The following ASB3 variants were observed in gnomAD, a reference collection of about 807,000 sequenced individuals.
ASB3 encodes ankyrin repeat and SOCS box containing 3, also known as ankyrin repeat and SOCS box protein 3.
A neutral mutation model predicts 54.5 loss-of-function variants in ASB3; 41 were observed. The observed-to-expected ratio is 0.75, with a 90% CI of 0.59 to 0.98. The LOEUF (loss-of-function observed/expected upper bound fraction) is 0.98, where lower values mean the gene tolerates loss of function less well. Ranked by LOEUF, ASB3 falls within the 50% of genes least tolerant of loss-of-function variation. ASB3 has a pLI of 0.00. For synonymous variants in ASB3, 266 were observed against 221.2 expected, an observed-to-expected ratio of 1.20 and a Z score of -1.80; for missense variants, 733 against 620.0, an observed-to-expected ratio of 1.18 and a Z score of -1.94.
chr2:53,698,944 A>G (rs1436949742), intron 8 of ASB3, among the ~76,000 whole-genome samples: 1 of 152,220 alleles, frequency 6.6e-6, no homozygotes, highest in Non-Finnish European at 1.5e-5. Context: ...GGTAATCGTT[A>G]TGAGCAACAG....
chr2:53,678,423 T>C (rs560449787), intron 9 of ASB3, among the ~76,000 whole-genome samples: 1 of 152,358 alleles, frequency 6.6e-6, no homozygotes, highest in African/African-American at 2.4e-5. Flanking sequence ...CACTTGTGCT[T>C]GCACTTTTAA....
chr2:53,774,491 G>A lies in ASB3; in HGVS notation c.-13-8906C>T, dbSNP rs377443630. 53 of 1,569,010 alleles carry A rather than the reference G, an allele frequency of 3.4e-5. No homozygotes were observed. The highest frequency in any genetic ancestry group is 2.0e-4 in the Admixed American group (10 of 50,494). Reference sequence around the variant, plus strand: ...GCTTTGGAAAAATTAGTAAAGGAACGTTTAGAAGGGAAACAGAACCTCAAT... The same window carrying A: ...GCTTTGGAAAAATTAGTAAAGGAACATTTAGAAGGGAAACAGAACCTCAAT... On this transcript the variant is annotated intron_variant, in intron 1 of 9. Coordinates refer to ENST00000263634, the MANE Select transcript of ASB3 (RefSeq NM_016115.5).
rs754038869 is a variant in ASB3 at position 53,750,839 on chromosome 2, T to A, written c.299A>T (p.Glu100Val). ...GHWKIVQILL[E>V]AGADPNATTL... ...AGTTGCATTAGGATCTGCCCCAGCT[T>A]CTAAAAGAATCTGTACGATTTTCCA... The change falls in exon 3 of 10, where the codon GAA (glutamate) becomes GTA (valine). Residue 100 changes from glutamate (E) to valine (V), a missense_variant. By Grantham distance (121) the Glu-to-Val change is moderately radical. Coordinates refer to ENST00000263634, the MANE Select transcript of ASB3 (RefSeq NM_016115.5). 2.5e-6 allele frequency: 4 copies of A among 1,603,110 alleles called. No homozygotes were observed. Among genetic ancestry groups the A allele is most frequent in the Non-Finnish European group, 3.4e-6 (4 of 1,174,660 alleles).
chr2:53,676,132 C>CAATG (rs1482740561), intron 9 of ASB3, among the ~76,000 whole-genome samples: 1 of 152,172 alleles, frequency 6.6e-6, no homozygotes, highest in Non-Finnish European at 1.5e-5. Context: ...GTATCACAGA[C>CAATG]AATGAGCAAA....
chr2:53,697,427 T>C (rs1027254636), intron 8 of ASB3, among the ~76,000 whole-genome samples: 1 of 151,976 alleles, frequency 6.6e-6, no homozygotes, highest in African/African-American at 2.4e-5. Flanking sequence ...ACTTTGTTAA[T>C]AAACATGATT....
rs557230195 is a variant in ASB3 at position 53,729,699 on chromosome 2, T to C, written c.356-129A>G. On this transcript the variant is annotated intron_variant, in intron 3 of 9. Coordinates refer to ENST00000263634, the MANE Select transcript of ASB3 (RefSeq NM_016115.5). Reference sequence around the variant, plus strand: ...TGCTCTGATTATTCCTAAACAGTTATCACAATTGTCTTAGCCCAAATCCAT... The same window carrying C: ...TGCTCTGATTATTCCTAAACAGTTACCACAATTGTCTTAGCCCAAATCCAT... The C allele has an allele frequency of 2.2e-4, 160 of 720,354 alleles. 1 individual carries two copies. In the South Asian group the frequency reaches 2.9e-3, roughly 13 times the overall value. 44.6% of individuals were successfully genotyped at this position (720,354 alleles called of 1,614,324 possible). A position where few individuals can be genotyped will look rare whatever the true frequency, so the allele number is the denominator to read the frequency against.
chr2:53,697,945 C>T (rs1669276720), intron 8 of ASB3, among the ~76,000 whole-genome samples: 1 of 152,194 alleles, frequency 6.6e-6, no homozygotes, highest in Admixed American at 6.5e-5. Flanking sequence ...CTCTACAGTC[C>T]TGAGGTCTCA....
chr2:53,765,234 C>A, intron 2 of ASB3, 143 bp downstream of exon 2: 1 of 1,207,522 alleles, frequency 8.3e-7, no homozygotes, highest in Non-Finnish European at 1.1e-6. Flanking sequence ...ATCTTACTAT[C>A]CTTAATAAAT....
chr2:53,688,570 G>A (rs1005100058), intron 9 of ASB3, among the ~76,000 whole-genome samples: 2 of 152,318 alleles, frequency 1.3e-5, no homozygotes, highest in East Asian at 3.9e-4. Flanking sequence ...AAAATGATAT[G>A]AGGTAGCTAC....
chr2:53,676,678 T>A (rs903083155), intron 9 of ASB3, among the ~76,000 whole-genome samples: 1 of 152,226 alleles, frequency 6.6e-6, no homozygotes, highest in Non-Finnish European at 1.5e-5. Flanking sequence ...CTCATTGATA[T>A]CACCCAGAGC....
In ASB3 at chr2:53,761,826, C is replaced by G. The variant is rs140348058; in HGVS notation, c.196+3551G>C. ...AGTAATTGCACTTCTAAAACTCCAT[C>G]CTACAGAAATGGTTAACCATGTAGA... On this transcript the variant is annotated intron_variant, in intron 2 of 9. Transcript: ENST00000263634. Among the ~76,000 whole-genome samples the G allele has an allele frequency of 7.5e-3, 1,136 of 152,312 alleles. 10 individuals are homozygous for G. The highest frequency in any genetic ancestry group is 0.024 in the African/African-American group (1,006 of 41,552).
At chr2:53,675,067 T>C (rs1313393304) in intron 9 of ASB3, among the ~76,000 whole-genome samples, 1 of 152,168 alleles carries the variant, frequency 6.6e-6, no homozygotes, top group East Asian at 1.9e-4. Flanking sequence ...TTCAGTTACC[T>C]TTCCATAAAA....
chr2:53,726,498 C>T (rs535102032), intron 5 of ASB3, among the ~76,000 whole-genome samples: 4 of 151,702 alleles, frequency 2.6e-5, no homozygotes, highest in African/African-American at 9.7e-5. Context: ...TGAGCTCAGG[C>T]AATCTGCCCA....
intron 3 of ASB3, among the ~76,000 whole-genome samples, chr2:53,736,937 T>C (rs1393395506): frequency 7.2e-5 from 11 of 152,052 alleles, no homozygotes; most frequent in Non-Finnish European, 1.3e-4. Flanking sequence ...TGAGCCGAGA[T>C]CATGCAACAG....
rs201217687 is a variant in ASB3, at chr2:53,714,509, G to A, written c.855C>T (p.Tyr285=). 5.0e-6 allele frequency: 8 copies of A among 1,614,220 alleles called. No homozygotes were observed. The highest frequency in any genetic ancestry group is 1.1e-5 in the South Asian group (1 of 91,092). The change falls in exon 7 of 10, where the codon TAC becomes TAT. Residue 285 remains tyrosine, a synonymous_variant. Coordinates refer to ENST00000263634, the MANE Select transcript of ASB3 (RefSeq NM_016115.5). ...DTGLNKVSPV[Y]SAVFGGHEDC... The stretch of plus-strand genomic sequence containing the variant: ...CTTCATGTCCCCCAAACACTGCTGA[G>A]TAAACAGGGCTTACTTTGTTTAGCC...
rs776786665 is a variant in ASB3 at position 53,700,324 on chromosome 2, C to T, written c.1185G>A (p.Leu395=). 6.2e-7 allele frequency: 1 copy of T among 1,614,064 alleles called. No individual in the cohort carries two copies. Among genetic ancestry groups the T allele is most frequent in the Non-Finnish European group, 8.5e-7 (1 of 1,179,998 alleles). Residue 395 remains leucine, a synonymous_variant, in exon 8 of 10, where the codon TTG becomes TTA. Transcript: ENST00000263634. ...IKAQAKYKEW[L]PHLLVAGFDP... is the part of the protein sequence containing the mutation. ...CAAATCCAGCAACCAGAAGATGTGG[C>T]AACCACTCCTTATATTTTGCTTGTG...
intron 9 of ASB3, among the ~76,000 whole-genome samples, chr2:53,671,152 TGAGA>T (rs1667790019): frequency 6.6e-6 from 1 of 152,238 alleles, no homozygotes; most frequent in South Asian, 2.1e-4. Flanking sequence ...TAATTGACTC[TGAGA>T]GAAAGGGAGT....
chr2:53,719,640 T>C (rs1670590580), intron 5 of ASB3, among the ~76,000 whole-genome samples: 1 of 149,600 alleles, frequency 6.7e-6, no homozygotes, highest in Non-Finnish European at 1.5e-5. Flanking sequence ...CCCCCACACA[T>C]AAACACTCCA....
At chr2:53,712,678 A>G (rs192782330) in intron 7 of ASB3, among the ~76,000 whole-genome samples, 129 of 152,318 alleles carry the variant, frequency 8.5e-4, no homozygotes, top group African/African-American at 2.9e-3. Context: ...TGCTGTGACC[A>G]GAAGGACCAA....
Sources: allele counts gnomAD v4.1 joint callset (sites outside exome capture counted in the v4.1 genomes callset), GRCh38; gene constraint gnomAD v4.1.1; transcripts MANE v1.5; gene names NCBI Gene and HGNC (gene_info 2026-07-23, HGNC 2026-07-21).